CDH18: variants seen among roughly 807,000 people sequenced by gnomAD.
CDH18 encodes the protein cadherin 18, also known as cadherin-18.
Under a neutral mutation model 67.9 loss-of-function variants are expected in CDH18, and 31 were observed. The ratio of observed to expected loss-of-function variants is 0.46; its 90% CI spans 0.34 to 0.62. The LOEUF is 0.62. CDH18 is among the 20% of genes least tolerant of loss of function. The probability of loss-of-function intolerance (pLI) is 0.01; values close to 1 mark genes in which losing one functional copy is unlikely to be tolerated. For missense variants in CDH18, 890 were observed against 975.5 expected, an observed-to-expected ratio of 0.91 and a Z score of 1.17; for synonymous variants, 362 against 347.2, an observed-to-expected ratio of 1.04 and a Z score of -0.48.
At chr5:19,654,208 T>C (rs909335798) in intron 5 of CDH18, among the ~76,000 whole-genome samples, 1 of 152,108 alleles carries the variant, frequency 6.6e-6, no homozygotes, top group Non-Finnish European at 1.5e-5. Flanking sequence ...TGGTCTTGGG[T>C]TTAATTATTG....
intron 2 of CDH18, among the ~76,000 whole-genome samples, chr5:19,919,566 G>C (rs991648160): frequency 4.6e-5 from 7 of 152,154 alleles, no homozygotes; most frequent in Admixed American, 3.9e-4. Flanking sequence ...AGAATTGCTT[G>C]ATGTGGAAAA....
chr5:20,166,277 C>T (rs1330323012), intron 2 of CDH18, among the ~76,000 whole-genome samples: 1 of 151,428 alleles, frequency 6.6e-6, no homozygotes, highest in African/African-American at 2.4e-5. Flanking sequence ...CCTGTCTCTA[C>T]TAAAAATAAA....
chr5:20,559,336 G>A (rs944184523), intron 1 of CDH18, among the ~76,000 whole-genome samples: 3 of 152,032 alleles, frequency 2.0e-5, no homozygotes, highest in African/African-American at 4.8e-5. Flanking sequence ...AATGTCTCAT[G>A]TAAGCAGGTA....
intron 1 of CDH18, among the ~76,000 whole-genome samples, chr5:20,268,262 G>A (rs539757418): frequency 5.1e-4 from 77 of 152,242 alleles, no homozygotes; most frequent in African/African-American, 1.7e-3. Context: ...GAACATATGC[G>A]TGATTGTGTC....
At chr5:19,717,544 C>T (rs1176900238) in intron 5 of CDH18, among the ~76,000 whole-genome samples, 5 of 151,912 alleles carry the variant, frequency 3.3e-5, no homozygotes, top group Non-Finnish European at 7.4e-5. Flanking sequence ...CACCACCTGA[C>T]AAAAATTTTA....
chr5:19,687,489 T>C (rs59773545), intron 5 of CDH18, among the ~76,000 whole-genome samples: 5,173 of 152,220 alleles, frequency 0.034, 283 homozygotes, highest in African/African-American at 0.12. Context: ...CAGCGTCCTG[T>C]ATCTTGGGGA....
chr5:20,240,001 A>G (rs149630825), intron 2 of CDH18, among the ~76,000 whole-genome samples: 2,338 of 152,242 alleles, frequency 0.015, 29 homozygotes, highest in Middle Eastern at 0.031. Flanking sequence ...AAAAATATGT[A>G]CTAGAAGATA....
At chr5:19,610,850 AT>A (rs1748833932) in intron 6 of CDH18, among the ~76,000 whole-genome samples, 1 of 152,150 alleles carries the variant, frequency 6.6e-6, no homozygotes, top group East Asian at 1.9e-4. Context: ...ATTTAATTAT[AT>A]TTTATGGCTC....
chr5:19,917,866 C>A (rs1792002489), intron 2 of CDH18, among the ~76,000 whole-genome samples: 1 of 152,076 alleles, frequency 6.6e-6, no homozygotes, highest in Non-Finnish European at 1.5e-5. Context: ...CTCCTTGATG[C>A]AGCACAACAA....
rs1741285775 is a variant in CDH18 at position 20,222,239 on chromosome 5, A to AGAATG, written c.-518+33200_-518+33204dup. On this transcript the variant is annotated intron_variant, in intron 2 of 14. Coordinates refer to the CDH18 transcript ENST00000507958. ...TGCAGAGCCAACAGATTTGCTAAAG[A>AGAATG]GAATGTCACTGTTTAAACAAAAATT... Among the ~76,000 whole-genome samples the AGAATG allele has an allele frequency of 2.0e-5, 3 of 152,292 alleles. No individual in the cohort carries two copies. In the South Asian group the frequency reaches 6.2e-4, roughly 32 times the overall value.
intron 2 of CDH18, among the ~76,000 whole-genome samples, chr5:19,932,500 GCAACAGTA>G (rs1035794531): frequency 2.7e-4 from 41 of 151,240 alleles, no homozygotes; most frequent in African/African-American, 7.3e-5. Flanking sequence ...TTCCCTCTCT[GCAACAGTA>G]CAATGGTCAT....
At chr5:19,532,749 T>C (rs543779183) in intron 9 of CDH18, among the ~76,000 whole-genome samples, 3 of 152,288 alleles carry the variant, frequency 2.0e-5, no homozygotes, top group East Asian at 1.9e-4. Flanking sequence ...GGAAGTGAGA[T>C]AAATGATAGG....
chr5:20,040,873 A>G (rs1405703099), intron 2 of CDH18, among the ~76,000 whole-genome samples: 6 of 152,180 alleles, frequency 3.9e-5, no homozygotes, highest in Non-Finnish European at 7.4e-5. Context: ...TCAAACTATG[A>G]AATAACATGA....
chr5:20,324,587 C>T (rs982556027), intron 1 of CDH18, among the ~76,000 whole-genome samples: 1 of 149,686 alleles, frequency 6.7e-6, no homozygotes, highest in African/African-American at 2.4e-5. Flanking sequence ...TTGTGTCAGA[C>T]TTCTAAAAAA....
rs6883754 is a variant in CDH18 at position 19,674,927 on chromosome 5, C to T, written c.643+46420G>A. Among the ~76,000 whole-genome samples, 707 of 152,168 alleles carry T rather than the reference C, an allele frequency of 4.6e-3. 1 individual carries two copies. Among genetic ancestry groups the T allele is most frequent in the Non-Finnish European group, 8.0e-3 (545 of 68,006 alleles). ...TAAAAGAAGAAACGGTCATTTATCA[C>T]GGGAAATTCAGCCCCCAATATTTCA... On this transcript the variant is annotated intron_variant, in intron 5 of 12. Coordinates refer to ENST00000382275, the MANE Select transcript of CDH18 (RefSeq NM_004934.5).
intron 4 of CDH18, among the ~76,000 whole-genome samples, chr5:19,722,710 A>T (rs1318328121): frequency 6.6e-6 from 1 of 151,922 alleles, no homozygotes; most frequent in Non-Finnish European, 1.5e-5. Context: ...GTACCTGATG[A>T]ATCATCTAAT....
At chr5:20,018,355 A>C (rs1227335649) in intron 2 of CDH18, among the ~76,000 whole-genome samples, 1 of 152,202 alleles carries the variant, frequency 6.6e-6, no homozygotes, top group East Asian at 1.9e-4. Context: ...CAATTACAAC[A>C]TAGAAATAGA....
At chr5:19,938,138 A>AT (rs1794471027) in intron 2 of CDH18, among the ~76,000 whole-genome samples, 1 of 150,478 alleles carries the variant, frequency 6.6e-6, no homozygotes, top group Non-Finnish European at 1.5e-5. Flanking sequence ...TAGAGGGTGT[A>AT]TACTGTGAAG....
At chr5:20,176,013 C>A (rs867866453) in intron 2 of CDH18, among the ~76,000 whole-genome samples, 1 of 152,182 alleles carries the variant, frequency 6.6e-6, no homozygotes, top group African/African-American at 2.4e-5. Flanking sequence ...TGTATTACCT[C>A]AATTCCAGAG....
Sources: gnomAD v4.1 joint callset for allele counts (sites outside exome capture counted in the v4.1 genomes callset) on GRCh38, gnomAD v4.1.1 for gene constraint, MANE v1.5 for transcripts, NCBI Gene and HGNC (gene_info 2026-07-23, HGNC 2026-07-21) for gene names.